The following UNC13C variants were observed in gnomAD, a reference collection of about 807,000 sequenced individuals.
The protein encoded by UNC13C is protein unc-13 homolog C.
Under a neutral mutation model 245.4 loss-of-function variants are expected in UNC13C, and 174 were observed. The observed-to-expected ratio is 0.71, with a 90% CI of 0.63 to 0.80. The LOEUF is 0.80. Ranked by LOEUF, UNC13C falls within the 30% of genes least tolerant of loss-of-function variation. The pLI is 0.00. For synonymous variants in UNC13C, 992 were observed against 895.1 expected (o/e 1.11, Z -1.93); for missense variants, 2,829 against 2,602.9 (o/e 1.09, Z -1.89).
chr15:53,993,230 G>T (rs1350293766), intron 1 of UNC13C, among the ~76,000 whole-genome samples: 1 of 152,100 alleles, frequency 6.6e-6, no homozygotes, highest in African/African-American at 2.4e-5. Flanking sequence ...GAGCTGCAAT[G>T]CATTTGCAAT....
the UNC13C span, among the ~76,000 whole-genome samples, chr15:53,856,464 G>T: frequency 6.6e-6 from 1 of 151,700 alleles, no homozygotes; most frequent in Admixed American, 6.6e-5. Context: ...CATTGCTTTA[G>T]CTGTACCCCA....
At chr15:54,304,147 C>T (rs2037662201) in intron 13 of UNC13C, among the ~76,000 whole-genome samples, 1 of 151,850 alleles carries the variant, frequency 6.6e-6, no homozygotes, top group South Asian at 2.1e-4. Flanking sequence ...TGCAAAGCAG[C>T]CATAGATATT....
chr15:54,347,420 T>C (rs1294306435), intron 17 of UNC13C, among the ~76,000 whole-genome samples: 1 of 152,214 alleles, frequency 6.6e-6, no homozygotes, highest in East Asian at 1.9e-4. Flanking sequence ...TATATTTTGG[T>C]AAATTTTAAG....
intron 16 of UNC13C, among the ~76,000 whole-genome samples, chr15:54,335,424 A>G (rs1437540400): frequency 6.6e-6 from 1 of 152,082 alleles, no homozygotes; most frequent in Non-Finnish European, 1.5e-5. Flanking sequence ...CATTGCAGAG[A>G]GTAAAAATCA....
intron 10 of UNC13C, among the ~76,000 whole-genome samples, chr15:54,288,489 G>A (rs778184489): frequency 2.2e-4 from 33 of 151,324 alleles, no homozygotes; most frequent in Non-Finnish European, 2.7e-4. Flanking sequence ...TGCTCTACTT[G>A]GAGTCTTTTT....
chr15:53,898,797 A>G, the UNC13C span, among the ~76,000 whole-genome samples: 185 of 152,364 alleles, frequency 1.2e-3, no homozygotes, highest in African/African-American at 4.4e-3. Context: ...AAGAATACTG[A>G]GTATCTACTT....
At chr15:54,415,911 T>G (rs1567253005) in intron 19 of UNC13C, among the ~76,000 whole-genome samples, 1 of 152,126 alleles carries the variant, frequency 6.6e-6, no homozygotes. Flanking sequence ...AGGCTTACTA[T>G]GGGAACTTCC....
chr15:54,053,973 C>T (rs1244061145), intron 2 of UNC13C, among the ~76,000 whole-genome samples: 4 of 152,194 alleles, frequency 2.6e-5, no homozygotes, highest in Admixed American at 2.6e-4. Context: ...GACAGGATCT[C>T]ATTCTTTTTT....
In UNC13C at chr15:54,111,625, A is replaced by T. The variant is rs945120985; in HGVS notation, c.2984-31393A>T. 6.6e-5 allele frequency among the ~76,000 whole-genome samples: 10 copies of T among 152,310 alleles called. No homozygotes were observed. The East Asian group carries it at 1.5e-3, about 24-fold the overall frequency. ...TTAGTTCTGAGACACTTTGATTCCAATAAGTAATTACTGAATGTTTCCATG... is the reference window on the plus strand; with the variant it reads ...TTAGTTCTGAGACACTTTGATTCCATTAAGTAATTACTGAATGTTTCCATG... On this transcript the variant is annotated intron_variant, in intron 2 of 32. Coordinates refer to ENST00000260323, the MANE Select transcript of UNC13C (RefSeq NM_001080534.3).
At chr15:54,529,940 A>G (rs1449072470) in intron 25 of UNC13C, among the ~76,000 whole-genome samples, 1 of 152,164 alleles carries the variant, frequency 6.6e-6, no homozygotes, top group Non-Finnish European at 1.5e-5. Context: ...TGGTGATGCT[A>G]ACAGTCTCCA....
At chr15:53,929,960 A>T in the UNC13C span, among the ~76,000 whole-genome samples, 1 of 152,192 alleles carries the variant, frequency 6.6e-6, no homozygotes, top group Non-Finnish European at 1.5e-5. Context: ...TGTGTAACAA[A>T]CTACTCATAA....
the UNC13C span, among the ~76,000 whole-genome samples, chr15:53,939,216 G>A: frequency 8.5e-5 from 13 of 152,142 alleles, no homozygotes; most frequent in African/African-American, 3.1e-4. Flanking sequence ...ACACCTCTAT[G>A]TACCTACACT....
intron 10 of UNC13C, among the ~76,000 whole-genome samples, chr15:54,280,725 CATATGT>C (rs768396360): frequency 3.0e-5 from 4 of 135,122 alleles, no homozygotes; most frequent in African/African-American, 3.1e-5. Flanking sequence ...CATATATAAA[CATATGT>C]ATACATACAT....
At chr15:54,349,114 T>C (rs929793414) in intron 17 of UNC13C, among the ~76,000 whole-genome samples, 3 of 148,220 alleles carry the variant, frequency 2.0e-5, no homozygotes, top group African/African-American at 7.3e-5. Flanking sequence ...AATATTTATA[T>C]TTTATAAATA....
intron 19 of UNC13C, among the ~76,000 whole-genome samples, chr15:54,457,296 T>A: frequency 6.6e-6 from 1 of 152,054 alleles, no homozygotes; most frequent in Non-Finnish European, 1.5e-5. Flanking sequence ...TTTGTTAAGG[T>A]TTTTTGCATT....
intron 19 of UNC13C, among the ~76,000 whole-genome samples, chr15:54,474,165 T>C (rs185359947): frequency 7.2e-5 from 11 of 152,032 alleles, no homozygotes; most frequent in Admixed American, 2.0e-4. Flanking sequence ...GTTGATTTGC[T>C]TTTTTTGGGA....
intron 2 of UNC13C, among the ~76,000 whole-genome samples, chr15:54,124,157 AATC>A (rs2030872652): frequency 6.6e-6 from 1 of 152,216 alleles, no homozygotes; most frequent in South Asian, 2.1e-4. Context: ...TGCTATGATT[AATC>A]ATATGTAGAT....
chr15:54,595,250 G>C (rs1040966169), intron 30 of UNC13C, among the ~76,000 whole-genome samples: 14 of 151,906 alleles, frequency 9.2e-5, no homozygotes, highest in African/African-American at 3.4e-4. Context: ...TTATGCTCTC[G>C]GGGCCTAAGG....
rs1449606010 is a variant in UNC13C, at chr15:54,241,316, A to G, written c.3228+3626A>G. On this transcript the variant is annotated intron_variant, in intron 7 of 32. Coordinates refer to ENST00000260323, the MANE Select transcript of UNC13C (RefSeq NM_001080534.3). Reference sequence around the variant, plus strand: ...AGGGACTGAAAAGAACTAGATGTGGAGGTAATCAGGAGATCAAACCGGAGC... The same window carrying G: ...AGGGACTGAAAAGAACTAGATGTGGGGGTAATCAGGAGATCAAACCGGAGC... 2.6e-5 allele frequency among the ~76,000 whole-genome samples: 4 copies of G among 152,126 alleles called. No individual in the cohort carries two copies. In the East Asian group the frequency reaches 7.7e-4, roughly 29 times the overall value.
Sources: gnomAD v4.1 joint callset for allele counts (sites outside exome capture counted in the v4.1 genomes callset) on GRCh38, gnomAD v4.1.1 for gene constraint, MANE v1.5 for transcripts, NCBI Gene and HGNC (gene_info 2026-07-23, HGNC 2026-07-21) for gene names.